COL20A1: variants seen among roughly 807,000 people sequenced by gnomAD.
The protein encoded by COL20A1 is collagen type XX alpha 1 chain.
A neutral mutation model predicts 152.9 loss-of-function variants in COL20A1; 164 were observed. The ratio of observed to expected loss-of-function variants is 1.07; its 90% CI spans 0.94 to 1.22. The LOEUF is 1.22. Ranked by LOEUF, COL20A1 falls within the 50% of genes most tolerant of loss-of-function variation. COL20A1 has a pLI of 0.00. For missense variants in COL20A1, 1,873 were observed against 1,744.8 expected (o/e 1.07, Z -1.31); for synonymous variants, 864 against 756.0 (o/e 1.14, Z -2.34).
At position 63,334,165 on chromosome 20, in the gene COL20A1, T is replaced by G. The variant is rs992145106; in HGVS notation, c.*3449T>G. On this transcript the variant is annotated 3_prime_UTR_variant, in exon 36 of 36. Coordinates refer to ENST00000358894, the MANE Select transcript of COL20A1 (RefSeq NM_020882.4). ...AGAAACCTTACATTCCAAAGGATCC[T>G]GCTGTTCAGAACTCACTCACTCACT... 1 of 152,238 alleles carries G rather than the reference T, an allele frequency of 6.6e-6. No homozygotes were observed. The highest frequency in any genetic ancestry group is 6.5e-5 in the Admixed American group (1 of 15,288). 9.4% of individuals were successfully genotyped at this position (152,238 alleles called of 1,614,324 possible). A position where few individuals can be genotyped will look rare whatever the true frequency, so the allele number is the denominator to read the frequency against.
At chr20:63,295,264 C>T in intron 2 of COL20A1, 75 bp downstream of exon 2, 1 of 946,472 alleles carries the variant, frequency 1.1e-6, no homozygotes, top group Non-Finnish European at 1.6e-6. Flanking sequence ...CGGGACGAGC[C>T]CTCCGCCCCT....
chr20:63,304,430 G>C (rs111174531), intron 3 of COL20A1, among the ~76,000 whole-genome samples: 204 of 82,310 alleles, frequency 2.5e-3, no homozygotes, highest in Non-Finnish European at 2.8e-3. Context: ...CAGGTGTGCA[G>C]GTGTGGGTTC....
rs780782722 is a variant in COL20A1 at position 63,320,280 on chromosome 20, C to T, written c.3076-11C>T. 1 of 1,609,018 alleles carries T rather than the reference C, an allele frequency of 6.2e-7. No homozygotes were observed. The highest frequency in any genetic ancestry group is 8.5e-7 in the Non-Finnish European group (1 of 1,179,772). On this transcript the variant is annotated splice_polypyrimidine_tract_variant and intron_variant, in intron 24 of 35. Transcript: ENST00000358894. ...GAGCCCCGGGGCTGAGCCGGCTCCC[C>T]TGCGTTGCAGTTTCAGCTCCAGATG...
chr20:63,300,536 T>C (rs1448726174), intron 3 of COL20A1, among the ~76,000 whole-genome samples: 3 of 152,218 alleles, frequency 2.0e-5, no homozygotes, highest in African/African-American at 7.2e-5. Flanking sequence ...TCTATAGTTA[T>C]AGCACCCTTT....
At chr20:63,295,757 G>T (rs1189272681) in intron 2 of COL20A1, among the ~76,000 whole-genome samples, 4 of 152,264 alleles carry the variant, frequency 2.6e-5, no homozygotes, top group Admixed American at 6.5e-5. Context: ...GGGCTCACCT[G>T]TCTGAGCAGC....
Position 63,326,771 on chromosome 20 carries a change from G to A in COL20A1, c.3476G>A (p.Gly1159Glu), listed in dbSNP as rs1337616668. 1.3e-6 allele frequency: 2 copies of A among 1,482,946 alleles called. No homozygotes were observed. Among genetic ancestry groups the A allele is most frequent in the South Asian group, 2.8e-5 (2 of 70,484 alleles). The allele number at this position is 1,482,946 out of a possible 1,614,324, so 91.9% of individuals were successfully genotyped here. ...PGPRGFQGMA[G>E]ARGTSGERGP... ...ATGCAGGGGTTCCAGGGCATGGCAGGGGCCAGGGGCACTAGTGGAGAGCGA... is the reference window on the plus strand; with the variant it reads ...ATGCAGGGGTTCCAGGGCATGGCAGAGGCCAGGGGCACTAGTGGAGAGCGA... Residue 1159 changes from glycine (G) to glutamate (E), a missense_variant, in exon 31 of 36, where the codon GGG becomes GAG. By Grantham distance (98) the Gly-to-Glu change is moderately conservative (BLOSUM62 -2). Coordinates refer to ENST00000358894, the MANE Select transcript of COL20A1 (RefSeq NM_020882.4).
rs1382205440 is a variant in COL20A1, at chr20:63,304,555, T to G, written c.194-862T>G. ...TTCCTCCCTCCAGGTGTGCAGGTGCTGGCTCCTCCCTCCCTTCCTCCCTCC... is the reference window on the plus strand; with the variant it reads ...TTCCTCCCTCCAGGTGTGCAGGTGCGGGCTCCTCCCTCCCTTCCTCCCTCC... On this transcript the variant is annotated intron_variant, in intron 3 of 35. Transcript: ENST00000358894. Among the ~76,000 whole-genome samples, 59 of 90,988 alleles carry G rather than the reference T, an allele frequency of 6.5e-4. 4 individuals are homozygous for G. The highest frequency in any genetic ancestry group is 5.9e-4 in the Non-Finnish European group (25 of 42,292). 59.7% of individuals were successfully genotyped at this position (90,988 alleles called of 152,430 possible). A position where few individuals can be genotyped will look rare whatever the true frequency, so the allele number is the denominator to read the frequency against.
In COL20A1 at chr20:63,325,675, C is replaced by T. The variant is rs370083784; in HGVS notation, c.3356C>T (p.Pro1119Leu). 6.8e-6 allele frequency: 11 copies of T among 1,610,058 alleles called. No homozygotes were observed. The highest frequency in any genetic ancestry group is 6.7e-5 in the African/African-American group (5 of 74,852). ...DHGLPGLQGH[P>L]GHQGIPGRVG... Reference sequence around the variant, plus strand: ...CCCTCTGTTCTCTCCCAGGGCCACCCCGGCCACCAGGGCATCCCCGGGAGA... The same window carrying T: ...CCCTCTGTTCTCTCCCAGGGCCACCTCGGCCACCAGGGCATCCCCGGGAGA... Residue 1119 changes from proline to leucine, a missense_variant, in exon 29 of 36, where the codon CCC becomes CTC. By Grantham distance (98) the Pro-to-Leu change is moderately conservative. Coordinates refer to ENST00000358894, the MANE Select transcript of COL20A1 (RefSeq NM_020882.4).
chr20:63,307,092 G>GC (rs1181183685), intron 5 of COL20A1, among the ~76,000 whole-genome samples: 1 of 152,236 alleles, frequency 6.6e-6, no homozygotes, highest in Non-Finnish European at 1.5e-5. Flanking sequence ...ACCCCGGGGA[G>GC]CGCCAGACCG....
chr20:63,298,051 C>A, intron 3 of COL20A1, 31 bp downstream of exon 3: 1 of 1,485,352 alleles, frequency 6.7e-7, no homozygotes, highest in Non-Finnish European at 9.3e-7. Flanking sequence ...GGCCCCCTTC[C>A]CCATTAGCAC....
In COL20A1 at chr20:63,307,437, C is replaced by A. The variant is rs563222573; in HGVS notation, c.497-53C>A. On this transcript the variant is annotated intron_variant, in intron 5 of 35. Transcript: ENST00000358894. ...GCCCCGGGGTAGGTGATCTGGGGGC[C>A]TTGGACCAGGGATGGGCCTCACCTA... is the stretch of plus-strand genomic sequence containing the variant. 1.8e-5 allele frequency: 28 copies of A among 1,558,360 alleles called. No homozygotes were observed. In the South Asian group the frequency reaches 3.1e-4, roughly 17 times the overall value.
intron 3 of COL20A1, among the ~76,000 whole-genome samples, chr20:63,301,081 A>C (rs189817686): frequency 2.8e-3 from 425 of 152,252 alleles, no homozygotes; most frequent in Non-Finnish European, 5.1e-3. Flanking sequence ...TTGGGAGGCC[A>C]AGGTGGGCAG....
At chr20:63,325,274 G>T in intron 27 of COL20A1, 167 bp from the exon 28 acceptor site, 1 of 713,718 alleles carries the variant, frequency 1.4e-6, no homozygotes, top group Non-Finnish European at 2.6e-6. Flanking sequence ...TCCAGGGAGA[G>T]CCCGGGCCAC....
At chr20:63,316,321 T>C (rs900330224) in intron 20 of COL20A1, among the ~76,000 whole-genome samples, 11 of 151,990 alleles carry the variant, frequency 7.2e-5, no homozygotes, top group African/African-American at 2.7e-4. Context: ...TCCCAGTGTG[T>C]TGGATTCCCC....
Position 63,312,864 on chromosome 20 carries a change from C to T in COL20A1, c.2006C>T (p.Ala669Val). The change falls in exon 16 of 36, where the codon GCC becomes GTC. Residue 669 changes from alanine to valine, a missense_variant. Ala to Val is a moderately conservative substitution (Grantham distance 64). Transcript: ENST00000358894. Reference protein sequence around the residue: ...PGDAVQLAWVAAAPSGVLVYQ... With the variant: ...PGDAVQLAWVVAAPSGVLVYQ... ...GATGCAGTCCAGCTGGCGTGGGTGG[C>T]CGCAGCCCCGTCTGGCGTGCTTGTC... The T allele has an allele frequency of 6.4e-7, 1 of 1,556,798 alleles. No homozygotes were observed. The highest frequency in any genetic ancestry group is 8.7e-7 in the Non-Finnish European group (1 of 1,150,512).
rs1216962535 is a variant in COL20A1 at position 63,326,136 on chromosome 20, C to G, written c.3443C>G (p.Pro1148Arg). 1.2e-6 allele frequency: 2 copies of G among 1,612,118 alleles called. No homozygotes were observed. Among genetic ancestry groups the G allele is most frequent in the Admixed American group, 1.7e-5 (1 of 60,000 alleles). Residue 1148 changes from proline (P) to arginine (R), a missense_variant, in exon 30 of 36, where the codon CCC becomes CGC. Transcript: ENST00000358894. ...GAGGGAACTGCTGGCCTGCCTGGAC[C>G]CCCTGGCCCCAGGGTAGGCACCGAC... ...GLEGTAGLPG[P>R]PGPRGFQGMA...
intron 30 of COL20A1, 145 bp downstream of exon 30, chr20:63,326,294 C>G: frequency 1.5e-6 from 1 of 665,218 alleles, no homozygotes. Flanking sequence ...CTGGAACTTT[C>G]TGCAGGGCCC....
rs767461715 is a variant in COL20A1 at position 63,310,449 on chromosome 20, C to T, written c.1332C>T (p.Val444=). The T allele has an allele frequency of 1.9e-5, 30 of 1,609,498 alleles. No homozygotes were observed. The Admixed American group carries it at 2.5e-4, about 13-fold the overall frequency. Residue 444 remains valine (V), a synonymous_variant, in exon 11 of 36, where the codon GTC becomes GTT. Coordinates refer to ENST00000358894, the MANE Select transcript of COL20A1 (RefSeq NM_020882.4). ...TGGCCTCCCGCACAGAGTACCTGGT[C>T]TCCGTGTTCCCCATCTATGAGGGCG... The part of the protein sequence containing the change: ...HNLASRTEYL[V]SVFPIYEGGV...
chr20:63,299,814 T>C (rs2067843622), intron 3 of COL20A1, among the ~76,000 whole-genome samples: 1 of 151,434 alleles, frequency 6.6e-6, no homozygotes, highest in South Asian at 2.1e-4. Context: ...AAACATAATA[T>C]ATACATATAT....
Sources: gnomAD v4.1 joint callset for allele counts (sites outside exome capture counted in the v4.1 genomes callset) on GRCh38, gnomAD v4.1.1 for gene constraint, MANE v1.5 for transcripts, NCBI Gene and HGNC (gene_info 2026-07-23, HGNC 2026-07-21) for gene names.